Variants in SGCD observed in about 807,000 individuals in gnomAD.
SGCD encodes sarcoglycan delta.
SGCD carries 18 observed loss-of-function variants against 36.6 expected under a neutral mutation model. The ratio of observed to expected loss-of-function variants is 0.49; its 90% CI spans 0.34 to 0.73. The LOEUF (loss-of-function observed/expected upper bound fraction) is 0.73, where lower values mean the gene tolerates loss of function less well. Ranked by LOEUF, SGCD falls within the 30% of genes least tolerant of loss-of-function variation. The pLI is 0.01. For missense variants in SGCD, 387 were observed against 346.7 expected (o/e 1.12, Z -0.92); for synonymous variants, 133 against 130.6 (o/e 1.02, Z -0.12).
At chr5:156,664,536 AT>A in intron 7 of SGCD, among the ~76,000 whole-genome samples, 1 of 96,482 alleles carries the variant, frequency 1.0e-5, no homozygotes, top group East Asian at 2.9e-4. Flanking sequence ...CAATGGCCTC[AT>A]TTTGCATTAA....
At chr5:156,032,260 C>T (rs1759364341) in intron 1 of SGCD, among the ~76,000 whole-genome samples, 2 of 151,980 alleles carry the variant, frequency 1.3e-5, no homozygotes, top group South Asian at 4.1e-4. Context: ...ATTTATTTAA[C>T]TCTTCTTGTT....
At chr5:155,961,462 A>G (rs942807077) in intron 1 of SGCD, among the ~76,000 whole-genome samples, 1 of 152,138 alleles carries the variant, frequency 6.6e-6, no homozygotes, top group Admixed American at 6.6e-5. Context: ...GAATCATTGT[A>G]AATATCCAGG....
At chr5:156,505,215 G>A (rs1363645590) in intron 3 of SGCD, among the ~76,000 whole-genome samples, 4 of 152,180 alleles carry the variant, frequency 2.6e-5, no homozygotes, top group African/African-American at 7.2e-5. Flanking sequence ...GGTGAGACAC[G>A]TGCCATGTCC....
intron 1 of SGCD, among the ~76,000 whole-genome samples, chr5:155,967,690 T>C (rs1396995879): frequency 6.6e-6 from 1 of 152,084 alleles, no homozygotes; most frequent in Non-Finnish European, 1.5e-5. Context: ...CCAATCAGTT[T>C]TATTTATTAT....
chr5:155,965,849 T>G (rs1165694459), intron 1 of SGCD, among the ~76,000 whole-genome samples: 1 of 152,054 alleles, frequency 6.6e-6, no homozygotes. Flanking sequence ...CCAAATCTAC[T>G]CTTTTGTGTT....
intron 1 of SGCD, among the ~76,000 whole-genome samples, chr5:155,912,338 G>A (rs969602196): frequency 2.0e-5 from 3 of 152,090 alleles, no homozygotes; most frequent in Non-Finnish European, 4.4e-5. Context: ...ATTAGCTTTT[G>A]TTCACCTTCA....
chr5:156,039,359 G>A (rs1430070425), intron 1 of SGCD, among the ~76,000 whole-genome samples: 2 of 151,750 alleles, frequency 1.3e-5, no homozygotes, highest in East Asian at 1.9e-4. Flanking sequence ...ATCTCTGTAT[G>A]CCCCCACCCA....
At chr5:156,550,352 G>A (rs1314230959) in intron 4 of SGCD, among the ~76,000 whole-genome samples, 1 of 152,218 alleles carries the variant, frequency 6.6e-6, no homozygotes, top group Non-Finnish European at 1.5e-5. Flanking sequence ...CTTTTCATGA[G>A]CAGAAAGGGA....
At chr5:155,771,569 C>T in the SGCD span, among the ~76,000 whole-genome samples, 5,812 of 151,908 alleles carry the variant, frequency 0.038, 755 homozygotes, top group Admixed American at 0.24. Context: ...TACAGGCGTG[C>T]GTCAATGTGC....
At chr5:156,075,691 A>G (rs1296375059) in intron 1 of SGCD, among the ~76,000 whole-genome samples, 1 of 152,226 alleles carries the variant, frequency 6.6e-6, no homozygotes, top group Non-Finnish European at 1.5e-5. Flanking sequence ...GTCCTTTGTA[A>G]TAATTCAAGT....
intron 1 of SGCD, among the ~76,000 whole-genome samples, chr5:155,975,149 A>G (rs1758083734): frequency 6.6e-6 from 1 of 152,194 alleles, no homozygotes; most frequent in Non-Finnish European, 1.5e-5. Flanking sequence ...TGGATATTTC[A>G]ACAATATCTT....
chr5:156,715,305 CT>C (rs1482085322), intron 7 of SGCD, among the ~76,000 whole-genome samples: 3 of 152,172 alleles, frequency 2.0e-5, no homozygotes, highest in African/African-American at 4.8e-5. Context: ...GCCTTTAAGA[CT>C]GGTGGAAACT....
Position 156,235,003 on chromosome 5 carries a change from C to T in SGCD, c.-43-94531C>T, listed in dbSNP as rs549260981. ...TATTCTATCAGTGTATAACTCATTTCTGATAACACAGATTATGGTTCTGAA... is the reference window on the plus strand; with the variant it reads ...TATTCTATCAGTGTATAACTCATTTTTGATAACACAGATTATGGTTCTGAA... On this transcript the variant is annotated intron_variant, in intron 3 of 9. Coordinates refer to the SGCD transcript ENST00000517913. Among the ~76,000 whole-genome samples the T allele has an allele frequency of 2.0e-5, 3 of 152,276 alleles. No individual in the cohort carries two copies. In the South Asian group the frequency reaches 6.2e-4, roughly 32 times the overall value.
intron 3 of SGCD, among the ~76,000 whole-genome samples, chr5:156,169,415 C>T (rs1487809496): frequency 6.6e-6 from 1 of 152,138 alleles, no homozygotes; most frequent in Admixed American, 6.5e-5. Context: ...TGACCTTCTG[C>T]AGATCACTGA....
chr5:156,523,624 C>T (rs1334782467), intron 4 of SGCD, among the ~76,000 whole-genome samples: 1 of 152,036 alleles, frequency 6.6e-6, no homozygotes, highest in Non-Finnish European at 1.5e-5. Flanking sequence ...CTGAGAATCT[C>T]ACATTTTTTT....
chr5:156,371,665 C>T (rs1044514683), intron 3 of SGCD, among the ~76,000 whole-genome samples: 1 of 152,182 alleles, frequency 6.6e-6, no homozygotes, highest in Non-Finnish European at 1.5e-5. Flanking sequence ...GTTTGTGATA[C>T]TGACAAACTT....
chr5:156,394,737 A>G (rs1771761330), intron 3 of SGCD, among the ~76,000 whole-genome samples: 1 of 152,162 alleles, frequency 6.6e-6, no homozygotes, highest in African/African-American at 2.4e-5. Context: ...TTTTAATTTC[A>G]TTCCTCTAAA....
At chr5:156,456,433 G>A (rs1200922346) in intron 3 of SGCD, among the ~76,000 whole-genome samples, 1 of 152,198 alleles carries the variant, frequency 6.6e-6, no homozygotes, top group Non-Finnish European at 1.5e-5. Flanking sequence ...TTGGACACGA[G>A]TTAAGACCAT....
the SGCD span, among the ~76,000 whole-genome samples, chr5:155,801,011 C>A: frequency 6.6e-6 from 1 of 152,276 alleles, no homozygotes; most frequent in South Asian, 2.1e-4. Context: ...ACTTGAATCA[C>A]CTTTATAATG....
Sources: gnomAD v4.1 joint callset for allele counts (sites outside exome capture counted in the v4.1 genomes callset) on GRCh38, gnomAD v4.1.1 for gene constraint, MANE v1.5 for transcripts, NCBI Gene and HGNC (gene_info 2026-07-23, HGNC 2026-07-21) for gene names.